The following HHLA1 variants were observed in gnomAD, a reference collection of about 807,000 sequenced individuals.
HHLA1 encodes HHLA1 neighbor of OC90.
A neutral mutation model predicts 69.9 loss-of-function variants in HHLA1; 72 were observed. That is an observed-to-expected ratio of 1.03 (90% CI 0.85 to 1.25). HHLA1 has a LOEUF of 1.25. Ranked by LOEUF, HHLA1 falls within the 50% of genes most tolerant of loss-of-function variation. The probability of loss-of-function intolerance (pLI) is 0.00; values close to 1 mark genes in which losing one functional copy is unlikely to be tolerated. For missense variants in HHLA1, 685 were observed against 642.2 expected, an observed-to-expected ratio of 1.07 and a Z score of -0.72; for synonymous variants, 252 against 233.2, an observed-to-expected ratio of 1.08 and a Z score of -0.73.
intron 5 of HHLA1, among the ~76,000 whole-genome samples, chr8:132,097,440 A>G (rs951796444): frequency 6.6e-6 from 1 of 152,222 alleles, no homozygotes; most frequent in African/African-American, 2.4e-5. Flanking sequence ...GGCACGCCTC[A>G]ACGTCTGCAT....
intron 10 of HHLA1, among the ~76,000 whole-genome samples, chr8:132,086,834 G>T (rs1040225023): frequency 7.2e-5 from 11 of 151,942 alleles, no homozygotes; most frequent in Admixed American, 2.0e-4. Flanking sequence ...ATAAAGCAAA[G>T]TAGCCCCTGA....
At chr8:132,099,547 G>C (rs553862974) in intron 4 of HHLA1, among the ~76,000 whole-genome samples, 2 of 152,244 alleles carry the variant, frequency 1.3e-5, no homozygotes, top group African/African-American at 4.8e-5. Context: ...ACTTCCCCCG[G>C]CTATTCCTTA....
chr8:132,085,208 C>T (rs561045953), intron 10 of HHLA1, among the ~76,000 whole-genome samples: 14 of 152,290 alleles, frequency 9.2e-5, no homozygotes, highest in Non-Finnish European at 1.9e-4. Context: ...CAAGGGAAGG[C>T]TGCCTTCCCA....
At chr8:132,070,030 G>GGGGGGGGGGGGGGGA (rs1362677573) in intron 15 of HHLA1, 1 of 94,916 alleles carries the variant, frequency 1.1e-5, no homozygotes, top group African/African-American at 4.2e-5. Flanking sequence ...GGGGGAGGGG[G>GGGGGGGGGGGGGGGA]ATGAAAGATT....
intron 10 of HHLA1, among the ~76,000 whole-genome samples, chr8:132,083,375 G>A (rs1212178103): frequency 6.6e-6 from 1 of 151,968 alleles, no homozygotes; most frequent in African/African-American, 2.4e-5. Flanking sequence ...AGAAGGTAAT[G>A]TGGAGTGGGT....
At chr8:132,071,623 A>G (rs1563740512) in intron 14 of HHLA1, 130 bp from the exon 15 acceptor site, 1 of 788,782 alleles carries the variant, frequency 1.3e-6, no homozygotes, top group South Asian at 1.9e-5. Flanking sequence ...ACAGGTAAAC[A>G]TAGCATTCCT....
Position 132,081,947 on chromosome 8 carries a change from G to A in HHLA1, c.677-1981C>T, listed in dbSNP as rs548228247. Among the ~76,000 whole-genome samples, 1,241 of 152,252 alleles carry A rather than the reference G, an allele frequency of 8.2e-3. 18 individuals are homozygous for A. The highest frequency in any genetic ancestry group is 0.028 in the African/African-American group (1,165 of 41,532). ...TACTATAGTATAACCTGCCTTTGCT[G>A]GTGTGTGGCGATTAGGCCTGGTGGA... On this transcript the variant is annotated intron_variant, in intron 10 of 16. Transcript: ENST00000414222.
intron 11 of HHLA1, 114 bp from the exon 12 acceptor site, chr8:132,078,085 G>A: frequency 1.8e-6 from 2 of 1,095,834 alleles, no homozygotes; most frequent in Non-Finnish European, 2.6e-6. Context: ...ATGTGAACGT[G>A]TAATATAAGT....
In HHLA1 at chr8:132,083,206, G is replaced by A. The variant is rs527732723; in HGVS notation, c.677-3240C>T. On this transcript the variant is annotated intron_variant, in intron 10 of 16. Transcript: ENST00000414222. ...CAGATAATTTAGTTAAAGTATCTCAGCCTAATAAGGGAAATGCACAGGTGG... is the reference window on the plus strand; with the variant it reads ...CAGATAATTTAGTTAAAGTATCTCAACCTAATAAGGGAAATGCACAGGTGG... Among the ~76,000 whole-genome samples the A allele has an allele frequency of 7.2e-4, 110 of 152,224 alleles. 1 individual carries two copies. Among genetic ancestry groups the A allele is most frequent in the Non-Finnish European group, 1.8e-4 (12 of 68,014 alleles).
At chr8:132,092,653 G>C (rs1487820495) in intron 7 of HHLA1, among the ~76,000 whole-genome samples, 1 of 152,140 alleles carries the variant, frequency 6.6e-6, no homozygotes, top group East Asian at 1.9e-4. Context: ...ATGATTGTAA[G>C]TTTCCTGAGG....
chr8:132,080,733 GT>G (rs1413578129), intron 10 of HHLA1: 1 of 152,512 alleles, frequency 6.6e-6, no homozygotes, highest in African/African-American at 2.4e-5. Context: ...TAGTGTTGAA[GT>G]GTTGGGGTGG....
At chr8:132,079,468 T>A (rs1376889510) in intron 11 of HHLA1, among the ~76,000 whole-genome samples, 6 of 152,238 alleles carry the variant, frequency 3.9e-5, no homozygotes, top group African/African-American at 1.4e-4. Flanking sequence ...TCGTGAGTCT[T>A]AAACTATTTC....
intron 1 of HHLA1, among the ~76,000 whole-genome samples, chr8:132,109,800 A>G (rs183843491): frequency 1.1e-3 from 163 of 152,304 alleles, no homozygotes; most frequent in African/African-American, 3.9e-3. Flanking sequence ...GTGCCAGTAA[A>G]AAGCCTGATA....
At position 132,071,509 on chromosome 8, in the gene HHLA1, C is replaced by T; in HGVS notation, c.1316-16G>A. Reference sequence around the variant, plus strand: ...TGAGGACACCCTAGAAGATGCAATCCCAGACCAATTAAATCAGTAAGAGTT... The same window carrying T: ...TGAGGACACCCTAGAAGATGCAATCTCAGACCAATTAAATCAGTAAGAGTT... On this transcript the variant is annotated splice_polypyrimidine_tract_variant and intron_variant, in intron 14 of 16. Coordinates refer to ENST00000414222, the MANE Select transcript of HHLA1 (RefSeq NM_001145095.3). 1.9e-6 allele frequency: 3 copies of T among 1,550,094 alleles called. No homozygotes were observed. The highest frequency in any genetic ancestry group is 2.6e-6 in the Non-Finnish European group (3 of 1,146,222).
intron 5 of HHLA1, among the ~76,000 whole-genome samples, chr8:132,097,909 A>G (rs1824049411): frequency 6.6e-6 from 1 of 152,236 alleles, no homozygotes; most frequent in African/African-American, 2.4e-5. Flanking sequence ...ATCCTAGGGA[A>G]TGCCATTTAC....
chr8:132,065,197 C>A (rs376039258), intron 16 of HHLA1, among the ~76,000 whole-genome samples: 2 of 152,132 alleles, frequency 1.3e-5, no homozygotes, highest in Non-Finnish European at 2.9e-5. Flanking sequence ...AGAGAGGTAC[C>A]ATAATGAAAC....
In HHLA1 at chr8:132,095,701, A is replaced by G. The variant is rs1441068269; in HGVS notation, c.364+2T>C. 3 of 1,550,682 alleles carry G rather than the reference A, an allele frequency of 1.9e-6. No individual in the cohort carries two copies. In the Admixed American group the frequency reaches 5.9e-5, roughly 30 times the overall value. ...CATCAAGAAGAGCCAGCCAGCACTCACTGTTGTAAACAGCTACAGAAAACT... is the reference window on the plus strand; with the variant it reads ...CATCAAGAAGAGCCAGCCAGCACTCGCTGTTGTAAACAGCTACAGAAAACT... On this transcript the variant is annotated splice_donor_variant, in intron 6 of 16. Transcript: ENST00000414222. LOFTEE classifies it high-confidence loss of function.
chr8:132,083,142 CA>C (rs202240399), intron 10 of HHLA1, among the ~76,000 whole-genome samples: 23,684 of 151,612 alleles, frequency 0.16, 2,415 homozygotes, highest in Middle Eastern at 0.27. Flanking sequence ...AGAAGGGTGG[CA>C]ATGAGATATA....
At chr8:132,091,463 G>A (rs549437234) in intron 7 of HHLA1, among the ~76,000 whole-genome samples, 2 of 152,018 alleles carry the variant, frequency 1.3e-5, no homozygotes, top group East Asian at 1.9e-4. Flanking sequence ...CACTATTCCC[G>A]GTATTCTTAC....
Sources: gnomAD v4.1 joint callset for allele counts (sites outside exome capture counted in the v4.1 genomes callset) on GRCh38, gnomAD v4.1.1 for gene constraint, MANE v1.5 for transcripts, NCBI Gene and HGNC (gene_info 2026-07-23, HGNC 2026-07-21) for gene names.